IL20RB: variants seen among roughly 807,000 people sequenced by gnomAD.
IL20RB encodes interleukin-20 receptor subunit beta.
IL20RB carries 21 observed loss-of-function variants against 33.3 expected under a neutral mutation model. That is an observed-to-expected ratio of 0.63 (90% confidence interval 0.45 to 0.91). The LOEUF is 0.91. IL20RB is among the 40% of genes least tolerant of loss of function. IL20RB has a pLI of 0.00. For missense variants in IL20RB, 345 were observed against 384.8 expected (o/e 0.90, Z 0.86); for synonymous variants, 147 against 146.8 (o/e 1.00, Z -0.01).
chr3:136,987,364 T>C (rs361251), intron 3 of IL20RB, among the ~76,000 whole-genome samples: 70,286 of 151,994 alleles, frequency 0.46, 16,766 homozygotes, highest in East Asian at 0.7. Context: ...GAGTGTCGAT[T>C]GGTGCACTCA....
chr3:137,008,923 A>C (rs908776759), intron 6 of IL20RB, among the ~76,000 whole-genome samples: 9 of 152,194 alleles, frequency 5.9e-5, no homozygotes, highest in Non-Finnish European at 1.2e-4. Context: ...ATTGGACAGC[A>C]CTGTTCTGGA....
At chr3:136,976,697 G>C (rs551396432) in intron 1 of IL20RB, among the ~76,000 whole-genome samples, 15 of 152,364 alleles carry the variant, frequency 9.8e-5, no homozygotes, top group Non-Finnish European at 1.5e-4. Context: ...AGCAGCAATA[G>C]CCTGAGTTTC....
intron 1 of IL20RB, among the ~76,000 whole-genome samples, chr3:136,967,268 G>A (rs1214226061): frequency 3.4e-4 from 51 of 150,502 alleles, no homozygotes; most frequent in African/African-American, 6.6e-4. Flanking sequence ...TTTCTGTCTC[G>A]TTGATCTGTC....
intron 2 of IL20RB, among the ~76,000 whole-genome samples, chr3:136,981,217 C>A (rs952170940): frequency 3.3e-5 from 5 of 151,714 alleles, no homozygotes; most frequent in African/African-American, 1.2e-4. Flanking sequence ...ATATACTAGG[C>A]CAGCATTCTC....
chr3:136,962,266 A>T (rs1189446735), intron 1 of IL20RB, among the ~76,000 whole-genome samples: 1 of 152,230 alleles, frequency 6.6e-6, no homozygotes, highest in Non-Finnish European at 1.5e-5. Context: ...GGAAAATGGT[A>T]GCTTTACAGT....
chr3:136,993,488 TG>T (rs1244846824), intron 5 of IL20RB, among the ~76,000 whole-genome samples: 1 of 152,192 alleles, frequency 6.6e-6, no homozygotes, highest in African/African-American at 2.4e-5. Context: ...TTGTTACATA[TG>T]TATACATGTG....
At chr3:136,993,162 A>C (rs1942064733) in intron 5 of IL20RB, among the ~76,000 whole-genome samples, 1 of 152,146 alleles carries the variant, frequency 6.6e-6, no homozygotes, top group African/African-American at 2.4e-5. Context: ...CAGGAGTTCA[A>C]CACCAGCCTG....
rs150024297 is a variant in IL20RB, at chr3:136,990,491, A to T, written c.531+926A>T. On this transcript the variant is annotated intron_variant, in intron 4 of 6. Transcript: ENST00000329582. Reference sequence around the variant, plus strand: ...TCAATGCTTCCTACTCATGCCTATGATGTGCCCCCAGCCTCTCGAGGCCTC... The same window carrying T: ...TCAATGCTTCCTACTCATGCCTATGTTGTGCCCCCAGCCTCTCGAGGCCTC... Among the ~76,000 whole-genome samples the T allele has an allele frequency of 2.2e-4, 33 of 152,106 alleles. No homozygotes were observed. The East Asian group carries it at 5.4e-3, about 25-fold the overall frequency.
chr3:136,987,583 G>A (rs1052028679), intron 3 of IL20RB, among the ~76,000 whole-genome samples: 6 of 152,220 alleles, frequency 3.9e-5, no homozygotes, highest in African/African-American at 1.2e-4. Flanking sequence ...TGCGCCCTGC[G>A]TCCGCACTCC....
chr3:137,005,677 G>T (rs544596014), intron 6 of IL20RB, among the ~76,000 whole-genome samples: 1 of 152,162 alleles, frequency 6.6e-6, no homozygotes, highest in Non-Finnish European at 1.5e-5. Flanking sequence ...TGTCAGATGG[G>T]TCTCCTGAAT....
chr3:137,010,423 T>G lies in IL20RB; in HGVS notation c.*200T>G. ...AACACTGACTGAGGCTTAGGGGATG[T>G]GACCTCTAGACTGGGGGCTGCCACT... On this transcript the variant is annotated 3_prime_UTR_variant, in exon 7 of 7. Transcript: ENST00000329582. 1 of 508,408 alleles carries G rather than the reference T, an allele frequency of 2.0e-6. No homozygotes were observed. The highest frequency in any genetic ancestry group is 3.5e-6 in the Non-Finnish European group (1 of 282,594). 31.5% of individuals were successfully genotyped at this position (508,408 alleles called of 1,614,324 possible).
At chr3:136,958,230 G>A (rs1483498359) in intron 1 of IL20RB, 29 bp downstream of exon 1, 1 of 1,425,560 alleles carries the variant, frequency 7.0e-7, no homozygotes, top group South Asian at 1.2e-5. Context: ...ACATCCAATA[G>A]TTTGGGCCTT....
chr3:136,986,587 A>G, intron 3 of IL20RB: 1 of 433,654 alleles, frequency 2.3e-6, no homozygotes. Flanking sequence ...TGGCTTCCCA[A>G]GTCCTCCTGA....
At chr3:136,972,552 T>C (rs1397610392) in intron 1 of IL20RB, among the ~76,000 whole-genome samples, 1 of 152,168 alleles carries the variant, frequency 6.6e-6, no homozygotes, top group Non-Finnish European at 1.5e-5. Context: ...TGTCCAGGAA[T>C]GATCCATTTC....
chr3:136,980,461 C>T lies in IL20RB; in HGVS notation c.89-5C>T. The T allele has an allele frequency of 6.2e-7, 1 of 1,614,148 alleles. No individual in the cohort carries two copies. The highest frequency in any genetic ancestry group is 8.5e-7 in the Non-Finnish European group (1 of 1,180,028). On this transcript the variant is annotated splice_polypyrimidine_tract_variant and splice_region_variant and intron_variant, in intron 1 of 6. Coordinates refer to ENST00000329582, the MANE Select transcript of IL20RB (RefSeq NM_144717.4). ...TGTCAGCCAGGCTATCTGCCTTGAT[C>T]CTAGATGAAGTGGCCATTCTGCCTG...
intron 1 of IL20RB, among the ~76,000 whole-genome samples, chr3:136,972,347 G>C (rs1941507052): frequency 6.6e-6 from 1 of 152,026 alleles, no homozygotes; most frequent in Non-Finnish European, 1.5e-5. Flanking sequence ...AGTCCCATTT[G>C]TCTCTGATTT....
chr3:136,966,544 C>T (rs1577009500), intron 1 of IL20RB, among the ~76,000 whole-genome samples: 1 of 89,742 alleles, frequency 1.1e-5, no homozygotes, highest in South Asian at 3.9e-4. Flanking sequence ...GTGGTGATAT[C>T]CCCTTTATCA....
At chr3:136,980,381 G>A (rs200912900) in intron 1 of IL20RB, 85 bp from the exon 2 acceptor site, 79 of 1,542,340 alleles carry the variant, frequency 5.1e-5, no homozygotes, top group Admixed American at 1.8e-4. Flanking sequence ...CGCCAGTGAG[G>A]CCCTTCATTA....
intron 6 of IL20RB, among the ~76,000 whole-genome samples, chr3:136,999,826 T>C (rs1324589539): frequency 6.6e-6 from 1 of 152,194 alleles, no homozygotes; most frequent in Non-Finnish European, 1.5e-5. Flanking sequence ...AATTCTAGAA[T>C]TTCCATTTGT....
Sources: allele counts gnomAD v4.1 joint callset (sites outside exome capture counted in the v4.1 genomes callset), GRCh38; gene constraint gnomAD v4.1.1; transcripts MANE v1.5; gene names NCBI Gene and HGNC (gene_info 2026-07-23, HGNC 2026-07-21).